Variants in MGAT5B observed in about 807,000 individuals in gnomAD.
MGAT5B encodes the protein alpha-1,6-mannosylglycoprotein 6-beta-N-acetylglucosaminyltransferase B.
MGAT5B carries 54 observed loss-of-function variants against 95.1 expected under a neutral mutation model. The observed-to-expected ratio is 0.57, with a 90% CI of 0.46 to 0.71. The LOEUF (loss-of-function observed/expected upper bound fraction) is 0.71. Ranked by LOEUF, MGAT5B falls within the 30% of genes least tolerant of loss-of-function variation. The pLI, the probability that MGAT5B is intolerant of heterozygous loss-of-function variation, is 0.00. For missense variants in MGAT5B, 935 were observed against 1,088.6 expected, an observed-to-expected ratio of 0.86 and a Z score of 1.99; for synonymous variants, 464 against 451.0, an observed-to-expected ratio of 1.03 and a Z score of -0.36.
chr17:76,897,727 T>TTCTTTCTTTCTTTC (rs761586072), intron 3 of MGAT5B, among the ~76,000 whole-genome samples: 1 of 72,446 alleles, frequency 1.4e-5, no homozygotes. Context: ...CTTTCTTTCT[T>TTCTTTCTTTCTTTC]TTTCTTTTTT....
Position 76,906,466 on chromosome 17 carries a change from C to T in MGAT5B, c.1025+279C>T, listed in dbSNP as rs556509650. 3.3e-5 allele frequency among the ~76,000 whole-genome samples: 5 copies of T among 152,230 alleles called. No individual in the cohort carries two copies. The highest frequency in any genetic ancestry group is 1.3e-4 in the Admixed American group (2 of 15,290). ...TGGTGTTTCTGCTCAGGGGCTGACA[C>T]GTGTTGGCTTGTGGAATTGAGCCAC... On this transcript the variant is annotated intron_variant, in intron 8 of 17. Transcript: ENST00000569840. The surrounding 1 kb of genome is among the most constrained non-coding windows in gnomAD (Gnocchi z 4.6).
chr17:76,923,268 C>T (rs1969178849), intron 8 of MGAT5B, among the ~76,000 whole-genome samples: 2 of 152,184 alleles, frequency 1.3e-5, no homozygotes, highest in African/African-American at 4.8e-5. Flanking sequence ...GGCCACTTGC[C>T]GTTAATGAGG....
intron 1 of MGAT5B, among the ~76,000 whole-genome samples, chr17:76,872,197 G>T (rs535868270): frequency 6.6e-6 from 1 of 152,300 alleles, no homozygotes; most frequent in East Asian, 1.9e-4. Flanking sequence ...GTTGGGGGGA[G>T]CCTGGGCATG....
chr17:76,922,317 C>T (rs75073763), intron 8 of MGAT5B, among the ~76,000 whole-genome samples: 2 of 152,144 alleles, frequency 1.3e-5, no homozygotes, highest in African/African-American at 4.8e-5. Context: ...CAGCCACCCC[C>T]TTCCTGGTTT....
chr17:76,901,209 C>T (rs1460690536), intron 3 of MGAT5B, among the ~76,000 whole-genome samples: 2 of 152,054 alleles, frequency 1.3e-5, no homozygotes, highest in Non-Finnish European at 2.9e-5. Context: ...GTGGACAGCT[C>T]ACTAGGCTCA....
intron 3 of MGAT5B, among the ~76,000 whole-genome samples, chr17:76,886,230 T>C (rs1204164550): frequency 1.3e-5 from 2 of 152,212 alleles, no homozygotes; most frequent in African/African-American, 4.8e-5. Context: ...GCCTAGTGTG[T>C]GCAGAGTCTG....
Position 76,869,210 on chromosome 17 carries a change from C to A in MGAT5B, c.68+113C>A. On this transcript the variant is annotated intron_variant, in intron 1 of 17. Coordinates refer to ENST00000569840, the MANE Select transcript of MGAT5B (RefSeq NM_001199172.2). This position sits in a 1 kb window ranked among gnomAD's most constrained non-coding sequence, Gnocchi z 7.0. ...GTGGCAGAGGGGGCGGTTCACACTT[C>A]AACCCCTGGTGATGACCAGTGGGGC... 2 of 933,594 alleles carry A rather than the reference C, an allele frequency of 2.1e-6. No individual in the cohort carries two copies. Among genetic ancestry groups the A allele is most frequent in the Non-Finnish European group, 3.5e-6 (2 of 574,488 alleles). The allele number at this position is 933,594 out of a possible 1,614,324, so 57.8% of individuals were successfully genotyped here. A position where few individuals can be genotyped will look rare whatever the true frequency, so the allele number is the denominator to read the frequency against.
intron 3 of MGAT5B, among the ~76,000 whole-genome samples, chr17:76,901,113 T>G (rs949712793): frequency 2.6e-5 from 4 of 152,198 alleles, no homozygotes; most frequent in Admixed American, 6.5e-5. Flanking sequence ...CACTGCCCTT[T>G]CTTTCCTTAG....
In MGAT5B at chr17:76,889,163, G is replaced by A. The variant is rs1439365304; in HGVS notation, c.329+6865G>A. Among the ~76,000 whole-genome samples, 2 of 152,258 alleles carry A rather than the reference G, an allele frequency of 1.3e-5. No individual in the cohort carries two copies. The highest frequency in any genetic ancestry group is 2.9e-5 in the Non-Finnish European group (2 of 68,050). ...CACCGAGCTGTTTTGCAGATGCAGT[G>A]AGAAGATGCAGGGCTGGCGCAGGGG... On this transcript the variant is annotated intron_variant, in intron 3 of 17. Coordinates refer to ENST00000569840, the MANE Select transcript of MGAT5B (RefSeq NM_001199172.2). The surrounding 1 kb of genome is among the most constrained non-coding windows in gnomAD (Gnocchi z 4.4).
chr17:76,918,027 C>T lies in MGAT5B; in HGVS notation c.1026-6939C>T, dbSNP rs1255818878. ...GCCAGCGGGGTGAGTGTGTGGTCTC[C>T]TCCAGCTCTCCTGGGAGCATGGCCC... On this transcript the variant is annotated intron_variant, in intron 8 of 17. Transcript: ENST00000569840. This position sits in a 1 kb window ranked among gnomAD's most constrained non-coding sequence, Gnocchi z 5.1. 1.3e-5 allele frequency among the ~76,000 whole-genome samples: 2 copies of T among 152,198 alleles called. No individual in the cohort carries two copies. The highest frequency in any genetic ancestry group is 2.1e-4 in the South Asian group (1 of 4,826).
chr17:76,937,156 A>G (rs1042984454), intron 12 of MGAT5B, among the ~76,000 whole-genome samples: 16 of 152,282 alleles, frequency 1.1e-4, no homozygotes, highest in African/African-American at 3.1e-4. Flanking sequence ...ACCTTGATCA[A>G]TATGGTGATT....
At chr17:76,932,390 T>A (rs1422844903) in intron 10 of MGAT5B, among the ~76,000 whole-genome samples, 1 of 152,086 alleles carries the variant, frequency 6.6e-6, no homozygotes, top group East Asian at 1.9e-4. Flanking sequence ...TGCCTCTGCC[T>A]CCCAGAGTGT....
intron 11 of MGAT5B, among the ~76,000 whole-genome samples, 175 bp from the exon 12 acceptor site, chr17:76,933,113 ACTTG>A (rs1969548551): frequency 6.6e-6 from 1 of 152,152 alleles, no homozygotes; most frequent in South Asian, 2.1e-4. Context: ...GTCAGGCTAG[ACTTG>A]GGAGTTCTGT....
Position 76,924,961 on chromosome 17 carries a change from C to T in MGAT5B, c.1026-5C>T, listed in dbSNP as rs1182151624. On this transcript the variant is annotated splice_region_variant and splice_polypyrimidine_tract_variant and intron_variant, in intron 8 of 17. Transcript: ENST00000569840. ...GGCCCAGAATCTGAAGGGCTCTTCT[C>T]TCAGTAACTTAGGGGTACCGCCAGG... The T allele has an allele frequency of 1.2e-6, 2 of 1,612,104 alleles. No individual in the cohort carries two copies. Among genetic ancestry groups the T allele is most frequent in the African/African-American group, 1.3e-5 (1 of 74,906 alleles).
At chr17:76,944,739 C>A (rs1000179786) in intron 15 of MGAT5B, among the ~76,000 whole-genome samples, 1 of 152,224 alleles carries the variant, frequency 6.6e-6, no homozygotes, top group Non-Finnish European at 1.5e-5. Context: ...TGCCGCTTCC[C>A]TGGGACCCTT....
chr17:76,919,388 C>T (rs930289444), intron 8 of MGAT5B, among the ~76,000 whole-genome samples: 3 of 152,162 alleles, frequency 2.0e-5, no homozygotes, highest in Admixed American at 6.5e-5. Context: ...GTGCTTGGCA[C>T]GGGAGCCAGG....
chr17:76,907,452 G>A (rs1276870343), intron 8 of MGAT5B, among the ~76,000 whole-genome samples: 3 of 152,220 alleles, frequency 2.0e-5, no homozygotes, highest in South Asian at 2.1e-4. Flanking sequence ...TGAGAAAATG[G>A]CATCTACTCT....
rs755320207 is a variant in MGAT5B, at chr17:76,924,947, T to C, written c.1026-19T>C. 1.2e-5 allele frequency: 20 copies of C among 1,611,614 alleles called. No homozygotes were observed. Among genetic ancestry groups the C allele is most frequent in the African/African-American group, 4.0e-5 (3 of 74,810 alleles). ...GGTGGGTTTCTTGGGGCCCAGAATCTGAAGGGCTCTTCTCTCAGTAACTTA... is the reference window on the plus strand; with the variant it reads ...GGTGGGTTTCTTGGGGCCCAGAATCCGAAGGGCTCTTCTCTCAGTAACTTA... On this transcript the variant is annotated intron_variant, in intron 8 of 17. Transcript: ENST00000569840.
At chr17:76,903,429 T>A in intron 5 of MGAT5B, 53 bp downstream of exon 5, 2 of 1,471,440 alleles carry the variant, frequency 1.4e-6, no homozygotes, top group Non-Finnish European at 9.3e-7. Flanking sequence ...CCTCTCTGTC[T>A]GGCCCTGGCC....
Sources: allele counts gnomAD v4.1 joint callset (sites outside exome capture counted in the v4.1 genomes callset), GRCh38; gene constraint gnomAD v4.1.1; non-coding constraint Gnocchi (gnomAD v3.1); transcripts MANE v1.5; gene names NCBI Gene and HGNC (gene_info 2026-07-23, HGNC 2026-07-21).